Variants in FREM2 observed in about 807,000 individuals in gnomAD.
FREM2 encodes FRAS1 related extracellular matrix 2.
FREM2 carries 119 observed loss-of-function variants against 219.9 expected under a neutral mutation model. The ratio of observed to expected loss-of-function variants is 0.54; its 90% CI spans 0.47 to 0.63. The LOEUF (loss-of-function observed/expected upper bound fraction) is 0.63. FREM2 is among the 30% of genes least tolerant of loss of function. FREM2 has a pLI of 0.00. For missense variants in FREM2, 4,030 were observed against 3,993.6 expected (o/e 1.01, Z -0.25); for synonymous variants, 1,562 against 1,522.8 (o/e 1.03, Z -0.60).
intron 2 of FREM2, among the ~76,000 whole-genome samples, chr13:38,711,804 T>C (rs1333760898): frequency 6.6e-6 from 1 of 152,140 alleles, no homozygotes; most frequent in South Asian, 2.1e-4. Context: ...AAAACCTGGA[T>C]TAAAAATGTG....
chr13:38,731,377 A>G (rs777008676), intron 2 of FREM2, among the ~76,000 whole-genome samples: 7 of 152,202 alleles, frequency 4.6e-5, no homozygotes, highest in Non-Finnish European at 1.0e-4. Flanking sequence ...TCCTTGAGTT[A>G]TAAGATACCA....
chr13:38,873,507 T>G (rs965693607), intron 17 of FREM2, among the ~76,000 whole-genome samples: 1 of 152,200 alleles, frequency 6.6e-6, no homozygotes, highest in East Asian at 1.9e-4. Context: ...TGGGGTACTT[T>G]AGTTGAATGT....
At chr13:38,693,556 T>G (rs1869987360) in intron 1 of FREM2, among the ~76,000 whole-genome samples, 1 of 152,162 alleles carries the variant, frequency 6.6e-6, no homozygotes. Context: ...AACATGCAAC[T>G]TTCATTACAG....
chr13:38,764,404 T>A lies in FREM2; in HGVS notation c.5364T>A (p.Asp1788Glu), dbSNP rs752825379. Reference sequence around the variant, plus strand: ...TCAATGAGGACTCCAAATTTCTAGATGTTGTTCTTAAACGTAGAGGTTACT... The same window carrying A: ...TCAATGAGGACTCCAAATTTCTAGAAGTTGTTCTTAAACGTAGAGGTTACT... ...YLVNEDSKFL[D>E]VVLKRRGYLG... Residue 1788 changes from aspartate (D) to glutamate (E), a missense_variant, in exon 3 of 24, where the codon GAT (aspartate) becomes GAA (glutamate). Asp to Glu is a conservative substitution (Grantham distance 45). This residue lies in a region of FREM2 where 3,102 missense variants were observed against 2,950.7 expected (regional missense o/e 1.05). Transcript: ENST00000280481. 2.5e-6 allele frequency: 4 copies of A among 1,598,490 alleles called. No individual in the cohort carries two copies. The highest frequency in any genetic ancestry group is 3.4e-6 in the Non-Finnish European group (4 of 1,166,730).
At chr13:38,807,946 C>T (rs1488596978) in intron 6 of FREM2, among the ~76,000 whole-genome samples, 1 of 151,852 alleles carries the variant, frequency 6.6e-6, no homozygotes, top group African/African-American at 2.4e-5. Flanking sequence ...TATTTGGCTA[C>T]GAAAGTCCTA....
At chr13:38,694,440 A>G (rs1870020881) in intron 1 of FREM2, among the ~76,000 whole-genome samples, 1 of 152,258 alleles carries the variant, frequency 6.6e-6, no homozygotes, top group Non-Finnish European at 1.5e-5. Flanking sequence ...TGGAGATTAG[A>G]TAAGTGATTT....
intron 7 of FREM2, among the ~76,000 whole-genome samples, chr13:38,848,088 C>T (rs1211024187): frequency 1.3e-5 from 2 of 152,166 alleles, no homozygotes; most frequent in Non-Finnish European, 2.9e-5. Flanking sequence ...TTAAATGTCT[C>T]TATTTCATAT....
chr13:38,796,307 T>C (rs1026820192), intron 6 of FREM2, among the ~76,000 whole-genome samples: 2 of 152,210 alleles, frequency 1.3e-5, no homozygotes, highest in East Asian at 3.8e-4. Context: ...TTATTACTCA[T>C]GTCACTTGCT....
In FREM2 at chr13:38,688,188, A is replaced by C; in HGVS notation, c.844A>C (p.Met282Leu). 1 of 1,613,390 alleles carries C rather than the reference A, an allele frequency of 6.2e-7. No individual in the cohort carries two copies. Among genetic ancestry groups the C allele is most frequent in the Non-Finnish European group, 8.5e-7 (1 of 1,179,722 alleles). ...SRSPNRDWIP[M>L]VVELRSRGAP... The stretch of plus-strand genomic sequence containing the variant: ...CTCACCAAACAGGGACTGGATACCC[A>C]TGGTGGTGGAGCTGCGTTCACGAGG... The change falls in exon 1 of 24, where the codon ATG (methionine) becomes CTG (leucine). Residue 282 changes from methionine (M) to leucine (L), a missense_variant. Around this residue, in one of 2 missense-constraint regions of FREM2, gnomAD observed 3,102 missense variants for 2,950.7 expected, o/e 1.05. Transcript: ENST00000280481.
At chr13:38,772,606 T>G (rs1036693107) in intron 4 of FREM2, among the ~76,000 whole-genome samples, 4 of 152,182 alleles carry the variant, frequency 2.6e-5, no homozygotes, top group Admixed American at 6.5e-5. Context: ...TTTTACTTGA[T>G]GTTTACAGGA....
intron 2 of FREM2, among the ~76,000 whole-genome samples, chr13:38,725,800 T>C (rs924760123): frequency 6.6e-6 from 1 of 152,150 alleles, no homozygotes; most frequent in African/African-American, 2.4e-5. Flanking sequence ...GTTCAAGCGA[T>C]TGGATGAATG....
Position 38,864,516 on chromosome 13 carries a change from C to T in FREM2, c.7893C>T (p.Asn2631=). Residue 2631 remains asparagine, a synonymous_variant, in exon 16 of 24, where the codon AAC becomes AAT. Transcript: ENST00000280481. ...STTLRFYRNL[N]LEACLWEFVS... is the part of the protein sequence containing the mutation. ...CCTTGCGCTTCTACCGGAACCTGAA[C>T]CTAGAGGCCTGTTTATGGGAGTTCG... The T allele has an allele frequency of 2.5e-6, 4 of 1,614,182 alleles. No homozygotes were observed. Among genetic ancestry groups the T allele is most frequent in the Middle Eastern group, 1.6e-4 (1 of 6,062 alleles).
chr13:38,784,511 G>A lies in FREM2; in HGVS notation c.5768-46G>A, dbSNP rs762436035. 4 of 1,605,278 alleles carry A rather than the reference G, an allele frequency of 2.5e-6. No individual in the cohort carries two copies. In the South Asian group the frequency reaches 3.3e-5, roughly 13 times the overall value. On this transcript the variant is annotated intron_variant, in intron 5 of 23. Coordinates refer to ENST00000280481, the MANE Select transcript of FREM2 (RefSeq NM_207361.6). Reference sequence around the variant, plus strand: ...AATAATTGTGTCTGGAAATATCTTTGTCTTATGTTCTACATAAAAATCTTT... The same window carrying A: ...AATAATTGTGTCTGGAAATATCTTTATCTTATGTTCTACATAAAAATCTTT...
chr13:38,859,696 A>G, intron 14 of FREM2, 106 bp downstream of exon 14: 1 of 1,085,514 alleles, frequency 9.2e-7, no homozygotes, highest in Non-Finnish European at 1.4e-6. Flanking sequence ...TATTCCATAT[A>G]TTTTGTAAGT....
intron 2 of FREM2, among the ~76,000 whole-genome samples, chr13:38,745,506 A>G (rs570075142): frequency 2.6e-5 from 4 of 152,280 alleles, no homozygotes; most frequent in African/African-American, 9.6e-5. Flanking sequence ...TCACTTCCCT[A>G]AAAACATCAG....
At chr13:38,853,767 CA>C in intron 11 of FREM2, among the ~76,000 whole-genome samples, 1 of 152,164 alleles carries the variant, frequency 6.6e-6, no homozygotes, top group South Asian at 2.1e-4. Context: ...GAAGGGAAAA[CA>C]AAACTGATTA....
At chr13:38,720,862 G>A (rs2496442) in intron 2 of FREM2, among the ~76,000 whole-genome samples, 133,411 of 152,176 alleles carry the variant, frequency 0.88, 58,570 homozygotes, top group South Asian at 0.9. Context: ...GTTGGAGTTC[G>A]GTACAACAAG....
At chr13:38,771,243 A>G (rs1873649745) in intron 4 of FREM2, among the ~76,000 whole-genome samples, 1 of 152,238 alleles carries the variant, frequency 6.6e-6, no homozygotes, top group African/African-American at 2.4e-5. Flanking sequence ...ATTTAATTGT[A>G]TCTGCATTAT....
In FREM2 at chr13:38,689,817, G is replaced by A. The variant is rs757937131; in HGVS notation, c.2473G>A (p.Val825Met). 1.7e-5 allele frequency: 27 copies of A among 1,613,942 alleles called. No homozygotes were observed. The highest frequency in any genetic ancestry group is 1.5e-4 in the Admixed American group (9 of 59,998). ...TACCTTTACCCTTTACTTGCATCCCGTGGACAACCAGCCACCTGAGATCCT... is the reference window on the plus strand; with the variant it reads ...TACCTTTACCCTTTACTTGCATCCCATGGACAACCAGCCACCTGAGATCCT... ...PGTFTLYLHP[V>M]DNQPPEILNT... The change falls in exon 1 of 24, where the codon GTG becomes ATG. Residue 825 changes from valine to methionine, a missense_variant. Transcript: ENST00000280481.
Sources: allele counts gnomAD v4.1 joint callset (sites outside exome capture counted in the v4.1 genomes callset), GRCh38; gene constraint gnomAD v4.1.1; regional missense constraint gnomAD v4.1.1; transcripts MANE v1.5; gene names NCBI Gene and HGNC (gene_info 2026-07-23, HGNC 2026-07-21).